ANKRD18B: variants seen among roughly 807,000 people sequenced by gnomAD.
ANKRD18B encodes the protein ankyrin repeat domain 18B, also known as ankyrin repeat domain-containing protein 18B.
A neutral mutation model predicts 111.8 loss-of-function variants in ANKRD18B; 75 were observed. The observed-to-expected ratio is 0.67, with a 90% CI of 0.56 to 0.81. ANKRD18B has a LOEUF of 0.81. Among genes scored for constraint, ANKRD18B ranks in the 40% least tolerant of loss-of-function variants. The probability of loss-of-function intolerance (pLI) is 0.00; values close to 1 mark genes in which losing one functional copy is unlikely to be tolerated. For missense variants in ANKRD18B, 1,038 were observed against 1,225.5 expected, an observed-to-expected ratio of 0.85 and a Z score of 2.28; for synonymous variants, 356 against 417.3, an observed-to-expected ratio of 0.85 and a Z score of 1.79.
At chr9:33,543,559 T>C (rs1269361075) in intron 10 of ANKRD18B, among the ~76,000 whole-genome samples, 1 of 151,898 alleles carries the variant, frequency 6.6e-6, no homozygotes, top group Non-Finnish European at 1.5e-5. Context: ...TTGAGTTGTA[T>C]TACTAAGCAA....
chr9:33,530,566 A>T (rs531713153), intron 3 of ANKRD18B, among the ~76,000 whole-genome samples: 88 of 150,500 alleles, frequency 5.8e-4, no homozygotes, highest in Non-Finnish European at 1.1e-3. Flanking sequence ...GTTCGAATAC[A>T]CTCCTGATTA....
At chr9:33,550,383 T>C in intron 11 of ANKRD18B, 47 bp from the exon 12 acceptor site, 6 of 1,488,386 alleles carry the variant, frequency 4.0e-6, no homozygotes, top group Non-Finnish European at 5.4e-6. Flanking sequence ...TAACATAATT[T>C]AATAATAAGG....
intron 14 of ANKRD18B, among the ~76,000 whole-genome samples, chr9:33,563,593 C>T (rs1486623839): frequency 2.0e-5 from 3 of 150,056 alleles, no homozygotes; most frequent in Non-Finnish European, 4.4e-5. Flanking sequence ...AGAAGGCCAT[C>T]AGTAAGGATG....
chr9:33,552,295 C>T (rs1291546851), intron 12 of ANKRD18B, among the ~76,000 whole-genome samples: 2 of 152,190 alleles, frequency 1.3e-5, no homozygotes, highest in Non-Finnish European at 2.9e-5. Flanking sequence ...CCTTCCTTCA[C>T]TATGTAGCCA....
Position 33,548,604 on chromosome 9 carries a change from T to C in ANKRD18B, c.1816T>C (p.Ser606Pro). ...HPNGEAKESQ[S>P]IGKQNSSEER... ...AAATGGGGAAGCTAAAGAAAGTCAA[T>C]CCATTGGAAAGCAGAACTCTTCAGA... The change falls in exon 11 of 19, where the codon TCC becomes CCC. Residue 606 changes from serine (S) to proline (P), a missense_variant. Ser to Pro is a moderately conservative substitution (Grantham distance 74). Coordinates refer to ENST00000684830, the MANE Select transcript of ANKRD18B (RefSeq NM_001393611.1). The C allele has an allele frequency of 1.9e-6, 3 of 1,551,222 alleles. No homozygotes were observed. The highest frequency in any genetic ancestry group is 2.6e-6 in the Non-Finnish European group (3 of 1,146,670).
intron 17 of ANKRD18B, among the ~76,000 whole-genome samples, chr9:33,570,871 C>T (rs1324778606): frequency 1.3e-5 from 2 of 152,056 alleles, no homozygotes; most frequent in African/African-American, 4.8e-5. Flanking sequence ...CTCTTGACCT[C>T]GTGATCTGCC....
At chr9:33,543,639 G>T (rs558367322) in intron 10 of ANKRD18B, among the ~76,000 whole-genome samples, 11 of 152,102 alleles carry the variant, frequency 7.2e-5, no homozygotes, top group African/African-American at 2.4e-4. Context: ...CATCATTCCC[G>T]GTGGTTCAAA....
In ANKRD18B at chr9:33,555,784, G is replaced by A. The variant is rs998508383; in HGVS notation, c.2294G>A (p.Arg765Lys). Reference sequence around the variant, plus strand: ...CTGAACTATACTGCGGATCAAATAAGAAAGAAAAATCGTGAATTAGAAGAA... The same window carrying A: ...CTGAACTATACTGCGGATCAAATAAAAAAGAAAAATCGTGAATTAGAAGAA... ...SLLNYTADQI[R>K]KKNRELEEEA... is the part of the protein sequence containing the mutation. The change falls in exon 13 of 19, where the codon AGA (arginine) becomes AAA (lysine). Residue 765 changes from arginine (R) to lysine (K), a missense_variant. Arg to Lys is a conservative substitution (Grantham distance 26). Around this residue, in one of 4 missense-constraint regions of ANKRD18B, gnomAD observed 524 missense variants for 677.9 expected, o/e 0.77. Transcript: ENST00000684830. 4.3e-6 allele frequency: 6 copies of A among 1,410,078 alleles called. No homozygotes were observed. The highest frequency in any genetic ancestry group is 5.5e-6 in the Non-Finnish European group (6 of 1,081,462). The allele number at this position is 1,410,078 out of a possible 1,614,324, so 87.3% of individuals were successfully genotyped here.
chr9:33,533,624 G>C, intron 4 of ANKRD18B, 79 bp downstream of exon 4: 1 of 1,457,964 alleles, frequency 6.9e-7, no homozygotes, highest in Non-Finnish European at 9.0e-7. Flanking sequence ...GCTCAAGTCA[G>C]AAATGTTAAT....
At chr9:33,568,356 C>A (rs1165711456) in intron 16 of ANKRD18B, among the ~76,000 whole-genome samples, 2 of 152,154 alleles carry the variant, frequency 1.3e-5, no homozygotes, top group Admixed American at 6.5e-5. Flanking sequence ...TCTTTAGAAT[C>A]TTATAAGTAG....
chr9:33,572,472 A>G lies in ANKRD18B; in HGVS notation c.*38A>G, dbSNP rs1828795683. On this transcript the variant is annotated 3_prime_UTR_variant, in exon 19 of 19. Coordinates refer to ENST00000684830, the MANE Select transcript of ANKRD18B (RefSeq NM_001393611.1). ...CTTTATTACTGGGCTATTTACATGA[A>G]ATTTTAATTGTTTCTCATAAAATAT... 1 of 1,440,666 alleles carries G rather than the reference A, an allele frequency of 6.9e-7. No homozygotes were observed. The highest frequency in any genetic ancestry group is 1.4e-5 in the African/African-American group (1 of 69,376). The allele number at this position is 1,440,666 out of a possible 1,614,324, so 89.2% of individuals were successfully genotyped here.
intron 1 of ANKRD18B, among the ~76,000 whole-genome samples, chr9:33,526,832 CTT>C (rs370375603): frequency 2.2e-4 from 34 of 152,156 alleles, no homozygotes; most frequent in African/African-American, 7.5e-4. Context: ...TTATAGTTGT[CTT>C]ATCAAAATAA....
intron 14 of ANKRD18B, among the ~76,000 whole-genome samples, chr9:33,565,541 T>G (rs506450): frequency 1.3e-5 from 2 of 152,218 alleles, no homozygotes; most frequent in South Asian, 2.1e-4. Context: ...CATAATTCAC[T>G]GCAGCCCTGA....
At chr9:33,570,947 T>G (rs1399913776) in intron 17 of ANKRD18B, among the ~76,000 whole-genome samples, 1 of 152,186 alleles carries the variant, frequency 6.6e-6, no homozygotes, top group Non-Finnish European at 1.5e-5. Flanking sequence ...TTGTTTAACC[T>G]TTGTACTAAT....
At chr9:33,526,618 G>A (rs1361094701) in intron 1 of ANKRD18B, among the ~76,000 whole-genome samples, 1 of 152,080 alleles carries the variant, frequency 6.6e-6, no homozygotes, top group Non-Finnish European at 1.5e-5. Context: ...TGTGAATCTT[G>A]TACAGATAAA....
At chr9:33,555,885 G>C (rs909439745) in intron 13 of ANKRD18B, 65 bp downstream of exon 13, 2 of 1,057,706 alleles carry the variant, frequency 1.9e-6, no homozygotes, top group Non-Finnish European at 2.5e-6. Flanking sequence ...AACTTTACTT[G>C]ACTAAAACTT....
chr9:33,555,885 G>A, intron 13 of ANKRD18B, 65 bp downstream of exon 13: 1 of 1,057,706 alleles, frequency 9.5e-7, no homozygotes, highest in Non-Finnish European at 1.3e-6. Context: ...AACTTTACTT[G>A]ACTAAAACTT....
At chr9:33,540,709 C>G (rs1247769855) in intron 8 of ANKRD18B, among the ~76,000 whole-genome samples, 1 of 152,106 alleles carries the variant, frequency 6.6e-6, no homozygotes, top group African/African-American at 2.4e-5. Flanking sequence ...CATGTGGTCT[C>G]TCTCTCTCTT....
At chr9:33,561,316 A>G (rs931999308) in intron 14 of ANKRD18B, among the ~76,000 whole-genome samples, 1 of 152,200 alleles carries the variant, frequency 6.6e-6, no homozygotes, top group Non-Finnish European at 1.5e-5. Flanking sequence ...TAATGTGCTT[A>G]TTATCCATCT....
Sources: allele counts gnomAD v4.1 joint callset (sites outside exome capture counted in the v4.1 genomes callset), GRCh38; gene constraint gnomAD v4.1.1; regional missense constraint gnomAD v4.1.1; transcripts MANE v1.5; gene names NCBI Gene and HGNC (gene_info 2026-07-23, HGNC 2026-07-21).